Variants in GOLGA4 observed in about 807,000 individuals in gnomAD.
GOLGA4 encodes golgin subfamily A member 4.
Under a neutral mutation model 265.9 loss-of-function variants are expected in GOLGA4, and 169 were observed. The ratio of observed to expected loss-of-function variants is 0.64; its 90% CI spans 0.56 to 0.72. The LOEUF is 0.72. Among genes scored for constraint, GOLGA4 ranks in the 30% least tolerant of loss-of-function variants. The pLI is 0.00. For missense variants in GOLGA4, 2,482 were observed against 2,483.4 expected (o/e 1.00, Z 0.01); for synonymous variants, 923 against 855.8 (o/e 1.08, Z -1.37).
intron 10 of GOLGA4, among the ~76,000 whole-genome samples, chr3:37,306,499 CTCTGTGTGTG>C (rs1216951885): frequency 8.6e-5 from 10 of 115,714 alleles, no homozygotes; most frequent in Non-Finnish European, 1.4e-4. Context: ...CTTGGCTGTT[CTCTGTGTGTG>C]TGTGTGTGTG....
At chr3:37,360,978 C>T (rs1008776795) in intron 22 of GOLGA4, among the ~76,000 whole-genome samples, 2 of 152,072 alleles carry the variant, frequency 1.3e-5, no homozygotes, top group African/African-American at 2.4e-5. Flanking sequence ...TTAAAATATG[C>T]AGTACACCTT....
Position 37,326,501 on chromosome 3 carries a change from A to G in GOLGA4, c.4615A>G (p.Ile1539Val), listed in dbSNP as rs143388578. 4 of 1,606,930 alleles carry G rather than the reference A, an allele frequency of 2.5e-6. No homozygotes were observed. Among genetic ancestry groups the G allele is most frequent in the African/African-American group, 1.3e-5 (1 of 74,432 alleles). ...AGAGGACCATATTACCCAGAAAACT[A>G]TTGAAATAGAGTCCTTAAATGAAGT... ...ELEDHITQKT[I>V]EIESLNEVLK... The change falls in exon 14 of 24, where the codon ATT becomes GTT. Residue 1539 changes from isoleucine (I) to valine (V), a missense_variant. Coordinates refer to ENST00000361924, the MANE Select transcript of GOLGA4 (RefSeq NM_002078.5).
At chr3:37,260,825 A>G (rs2096767670) in intron 2 of GOLGA4, among the ~76,000 whole-genome samples, 1 of 152,070 alleles carries the variant, frequency 6.6e-6, no homozygotes. Context: ...CACTGAAATA[A>G]ATAATAATAG....
In GOLGA4 at chr3:37,325,332, A is replaced by G. The variant is rs2096966918; in HGVS notation, c.3446A>G (p.Glu1149Gly). Residue 1149 changes from glutamate (E) to glycine (G), a missense_variant, in exon 14 of 24, where the codon GAA (glutamate) becomes GGA (glycine). Physicochemically the swap from Glu to Gly is moderately conservative, Grantham distance 98. Coordinates refer to ENST00000361924, the MANE Select transcript of GOLGA4 (RefSeq NM_002078.5). ...LEVDLNKSLK[E>G]NTFLQEQLVE... ...GTTGACTTGAATAAGTCTCTGAAGG[A>G]AAATACTTTTCTTCAAGAGCAGCTA... 6.2e-7 allele frequency: 1 copy of G among 1,613,706 alleles called. No individual in the cohort carries two copies. Among genetic ancestry groups the G allele is most frequent in the Non-Finnish European group, 8.5e-7 (1 of 1,179,704 alleles).
intron 8 of GOLGA4, 68 bp downstream of exon 8, chr3:37,299,088 G>T: frequency 7.6e-7 from 1 of 1,320,918 alleles, no homozygotes; most frequent in Non-Finnish European, 1.0e-6. Flanking sequence ...CCACAGCATG[G>T]CTTGTACCTC....
chr3:37,332,156 C>T (rs1313382713), intron 16 of GOLGA4, among the ~76,000 whole-genome samples: 1 of 152,224 alleles, frequency 6.6e-6, no homozygotes, highest in African/African-American at 2.4e-5. Flanking sequence ...GCAGTGGTTT[C>T]CCATTGTCAC....
Position 37,347,180 on chromosome 3 carries a change from T to G in GOLGA4, c.6473-13T>G, listed in dbSNP as rs769171644. Reference sequence around the variant, plus strand: ...TTTGTCTTTACAGTTTGATCTATTTTTTTATTTGGCAGGTGGCAATTTGTA... The same window carrying G: ...TTTGTCTTTACAGTTTGATCTATTTGTTTATTTGGCAGGTGGCAATTTGTA... On this transcript the variant is annotated splice_polypyrimidine_tract_variant and intron_variant, in intron 20 of 23. Transcript: ENST00000361924. 2.0e-6 allele frequency: 3 copies of G among 1,535,584 alleles called. No homozygotes were observed. The East Asian group carries it at 6.7e-5, about 35-fold the overall frequency.
chr3:37,328,162 A>C (rs1408163013), intron 14 of GOLGA4, among the ~76,000 whole-genome samples: 4 of 151,836 alleles, frequency 2.6e-5, no homozygotes, highest in African/African-American at 9.7e-5. Context: ...AAAAAAAATT[A>C]AAGTGGAAAA....
chr3:37,298,748 C>A, intron 7 of GOLGA4, 85 bp from the exon 8 acceptor site: 154 of 855,798 alleles, frequency 1.8e-4, no homozygotes, highest in Non-Finnish European at 1.7e-4. Flanking sequence ...TAGATTAGAT[C>A]TCTTTGACTG....
chr3:37,335,599 G>A (rs1373143723), intron 17 of GOLGA4, among the ~76,000 whole-genome samples: 1 of 152,134 alleles, frequency 6.6e-6, no homozygotes, highest in South Asian at 2.1e-4. Context: ...ATCCTTAGTT[G>A]TAGTCACATA....
At chr3:37,305,057 T>A (rs779582658) in intron 10 of GOLGA4, among the ~76,000 whole-genome samples, 1 of 152,088 alleles carries the variant, frequency 6.6e-6, no homozygotes, top group African/African-American at 2.4e-5. Flanking sequence ...TAGCTGGGTT[T>A]ACAGATGTGT....
At chr3:37,356,293 AAGGGACCC>A (rs1376795206) in intron 22 of GOLGA4, among the ~76,000 whole-genome samples, 4 of 152,098 alleles carry the variant, frequency 2.6e-5, no homozygotes, top group African/African-American at 4.8e-5. Context: ...GTCAGCCCTG[AAGGGACCC>A]CAATATCTCA....
chr3:37,361,392 C>T (rs1696259467), intron 23 of GOLGA4, 87 bp downstream of exon 23: 4 of 868,630 alleles, frequency 4.6e-6, no homozygotes, highest in East Asian at 2.5e-5. Flanking sequence ...TTCTTTTGCT[C>T]TTGTTTAATA....
chr3:37,258,015 ATATATGTATG>A (rs1308395020), intron 2 of GOLGA4, among the ~76,000 whole-genome samples: 1 of 55,660 alleles, frequency 1.8e-5, no homozygotes, highest in Non-Finnish European at 4.0e-5. Context: ...ACATACATAT[ATATATGTATG>A]TATATATGTA....
At chr3:37,319,547 G>A (rs1299406375) in intron 12 of GOLGA4, 1 of 154,678 alleles carries the variant, frequency 6.5e-6, no homozygotes, top group African/African-American at 2.4e-5. Context: ...GGGACTACAG[G>A]TGCACACCAC....
chr3:37,276,494 A>G, intron 2 of GOLGA4: 1 of 1,609,946 alleles, frequency 6.2e-7, no homozygotes, highest in Non-Finnish European at 8.5e-7. Context: ...CAAATGTAAA[A>G]AGAAGAATTG....
At chr3:37,343,978 C>T (rs2097047688) in intron 20 of GOLGA4, among the ~76,000 whole-genome samples, 1 of 152,218 alleles carries the variant, frequency 6.6e-6, no homozygotes, top group Non-Finnish European at 1.5e-5. Context: ...AAAATTCCAC[C>T]ATTTCTTGTG....
Position 37,324,868 on chromosome 3 carries a change from G to C in GOLGA4, c.2982G>C (p.Gln994His), listed in dbSNP as rs774230286. The C allele has an allele frequency of 6.3e-7, 1 of 1,594,884 alleles. No individual in the cohort carries two copies. ...AAAATACTGCTCTAGAGCTTAGTCA[G>C]AAAGAAAAACAGTTTAATGCCAAAA... ...ELENTALELS[Q>H]KEKQFNAKML... Residue 994 changes from glutamine to histidine, a missense_variant, in exon 14 of 24, where the codon CAG becomes CAC. Physicochemically the swap from Gln to His is conservative, Grantham distance 24 (BLOSUM62 0). Coordinates refer to ENST00000361924, the MANE Select transcript of GOLGA4 (RefSeq NM_002078.5).
Position 37,347,199 on chromosome 3 carries a change from A to G in GOLGA4, c.6479A>G (p.Asn2160Ser). Residue 2160 changes from asparagine to serine, a missense_variant, in exon 21 of 24, where the codon AAT (asparagine) becomes AGT (serine). This residue lies in a region of GOLGA4 where 942 missense variants were observed against 983.1 expected (regional missense o/e 0.96). Coordinates refer to ENST00000361924, the MANE Select transcript of GOLGA4 (RefSeq NM_002078.5). ...TTVGTPYKGG[N>S]LYHTDVSLFG... is the part of the protein sequence containing the mutation. ...CTATTTTTTTATTTGGCAGGTGGCA[A>G]TTTGTACCATACGGATGTCTCACTC... The G allele has an allele frequency of 1.2e-6, 2 of 1,606,890 alleles. No homozygotes were observed. Among genetic ancestry groups the G allele is most frequent in the Non-Finnish European group, 1.7e-6 (2 of 1,174,338 alleles).
Sources: gnomAD v4.1 joint callset for allele counts (sites outside exome capture counted in the v4.1 genomes callset) on GRCh38, gnomAD v4.1.1 for gene constraint, gnomAD v4.1.1 regional missense constraint, MANE v1.5 for transcripts, NCBI Gene and HGNC (gene_info 2026-07-23, HGNC 2026-07-21) for gene names.